FSAF1: variants seen among roughly 807,000 people sequenced by gnomAD.
The protein encoded by FSAF1 is 40S small subunit processome assembly factor 1, also known as uncharacterized protein C1orf131.
the FSAF1 span, chr1:231,241,159 C>G: frequency 6.2e-7 from 1 of 1,600,526 alleles, no homozygotes; most frequent in Non-Finnish European, 8.5e-7. Flanking sequence ...CGCTGCACCC[C>G]CGCTTCCGGG....
At chr1:231,241,138 T>C in the FSAF1 span, 16 of 1,610,202 alleles carry the variant, frequency 9.9e-6, no homozygotes, top group East Asian at 2.2e-5. Context: ...GAATCAACCC[T>C]CATTCTGCCG....
At chr1:231,236,126 A>T in the FSAF1 span, among the ~76,000 whole-genome samples, 11 of 152,222 alleles carry the variant, frequency 7.2e-5, no homozygotes, top group Non-Finnish European at 1.6e-4. Context: ...ACAAGGGCAC[A>T]ACTATACTTT....
chr1:231,226,893 C>T, the FSAF1 span: 1 of 1,596,304 alleles, frequency 6.3e-7, no homozygotes, highest in Middle Eastern at 1.7e-4. Context: ...GTGTCCCTTG[C>T]CCTGACTTGC....
the FSAF1 span, chr1:231,236,891 C>T: frequency 6.6e-6 from 1 of 152,096 alleles, no homozygotes; most frequent in Non-Finnish European, 1.5e-5. Context: ...ATTTCTTGAC[C>T]CTCCCGTAAC....
chr1:231,230,025 TA>T, the FSAF1 span, among the ~76,000 whole-genome samples: 4 of 152,010 alleles, frequency 2.6e-5, no homozygotes, highest in Non-Finnish European at 5.9e-5. Flanking sequence ...TTACCACAAT[TA>T]AAAAAATGGA....
At chr1:231,225,296 G>A in the FSAF1 span, 1 of 611,670 alleles carries the variant, frequency 1.6e-6, no homozygotes, top group Non-Finnish European at 2.9e-6. Flanking sequence ...TCAGTTCTCA[G>A]GCAGTTGTTT....
chr1:231,230,632 C>G, the FSAF1 span, among the ~76,000 whole-genome samples: 1 of 152,202 alleles, frequency 6.6e-6, no homozygotes, highest in Non-Finnish European at 1.5e-5. Context: ...CACTTGCTCT[C>G]TCCTTCTCCA....
At chr1:231,226,995 C>T in the FSAF1 span, 10 of 1,614,074 alleles carry the variant, frequency 6.2e-6, no homozygotes, top group South Asian at 4.4e-5. Flanking sequence ...CATAATGGCA[C>T]GTTCCTGTTC....
the FSAF1 span, among the ~76,000 whole-genome samples, chr1:231,234,208 G>C: frequency 6.6e-6 from 1 of 152,176 alleles, no homozygotes; most frequent in Non-Finnish European, 1.5e-5. This position sits in a 1 kb window ranked among gnomAD's most constrained non-coding sequence, Gnocchi z 4.0. Flanking sequence ...GGTCCCTTCT[G>C]ATCTACAGAA....
the FSAF1 span, among the ~76,000 whole-genome samples, chr1:231,228,850 G>T: frequency 2.0e-5 from 3 of 152,076 alleles, no homozygotes; most frequent in Admixed American, 6.5e-5. Context: ...TTAGCCAGGT[G>T]TGGTTGCAGG....
chr1:231,238,891 C>CT, the FSAF1 span: 1 of 1,613,820 alleles, frequency 6.2e-7, no homozygotes, highest in South Asian at 1.1e-5. Flanking sequence ...CGTCAATTTT[C>CT]TTTTTTTATT....
the FSAF1 span, among the ~76,000 whole-genome samples, chr1:231,228,747 G>A: frequency 1.3e-5 from 2 of 152,210 alleles, no homozygotes; most frequent in East Asian, 3.9e-4. Flanking sequence ...AGCACTCTGG[G>A]AGGCCGAGAT....
chr1:231,238,502 T>C, the FSAF1 span: 1 of 180,416 alleles, frequency 5.5e-6, no homozygotes, highest in Non-Finnish European at 1.2e-5. Flanking sequence ...GGCAGTTGGC[T>C]GCCTCCTGAG....
chr1:231,232,490 A>G, the FSAF1 span, among the ~76,000 whole-genome samples: 1 of 152,180 alleles, frequency 6.6e-6, no homozygotes, highest in Non-Finnish European at 1.5e-5. Context: ...CTAGGTGAGG[A>G]TGGTGTGGCA....
At chr1:231,232,204 T>C in the FSAF1 span, among the ~76,000 whole-genome samples, 1 of 152,174 alleles carries the variant, frequency 6.6e-6, no homozygotes. Flanking sequence ...GTCTCCTCGG[T>C]TTTCTTTCCC....
the FSAF1 span, among the ~76,000 whole-genome samples, chr1:231,235,842 G>A: frequency 1.6e-4 from 24 of 152,230 alleles, no homozygotes; most frequent in Non-Finnish European, 2.8e-4. Flanking sequence ...GCCAAGTTCC[G>A]AGATGACCCC....
the FSAF1 span, among the ~76,000 whole-genome samples, chr1:231,230,539 C>G: frequency 2.9e-3 from 448 of 152,312 alleles, no homozygotes; most frequent in African/African-American, 0.01. Context: ...GTGCCTATCA[C>G]AACGGCACCA....
the FSAF1 span, chr1:231,227,120 A>T: frequency 6.4e-7 from 1 of 1,554,918 alleles, no homozygotes; most frequent in Non-Finnish European, 8.9e-7. Flanking sequence ...AACTCCAAAG[A>T]AAAAAACATA....
the FSAF1 span, chr1:231,241,114 T>TG: frequency 1.9e-6 from 3 of 1,613,528 alleles, no homozygotes; most frequent in Non-Finnish European, 1.7e-6. Context: ...TGCGACATTG[T>TG]GGGGTCAGCC....
Sources: allele counts gnomAD v4.1 joint callset (sites outside exome capture counted in the v4.1 genomes callset), GRCh38; gene constraint gnomAD v4.1.1; non-coding constraint Gnocchi (gnomAD v3.1); transcripts MANE v1.5; gene names NCBI Gene and HGNC (gene_info 2026-07-23, HGNC 2026-07-21).